AK8: variants seen among roughly 807,000 people sequenced by gnomAD.
AK8 encodes ATP-AMP transphosphorylase 8.
AK8 carries 44 observed loss-of-function variants against 54.6 expected under a neutral mutation model. The observed-to-expected ratio is 0.81, with a 90% CI of 0.63 to 1.04. The LOEUF (loss-of-function observed/expected upper bound fraction) is 1.04, where lower values mean the gene tolerates loss of function less well. Ranked by LOEUF, AK8 falls within the 50% of genes least tolerant of loss-of-function variation. The pLI is 0.00. For missense variants in AK8, 555 were observed against 613.6 expected (o/e 0.90, Z 1.01); for synonymous variants, 239 against 245.6 (o/e 0.97, Z 0.25).
chr9:132,826,817 C>T lies in AK8; in HGVS notation c.757+37G>A. The stretch of plus-strand genomic sequence containing the variant: ...AAGGCACAGCGAGCCCCGCCCTTGG[C>T]CGTCTGTCCAGGGTGGGGCTGCCTG... On this transcript the variant is annotated intron_variant, in intron 8 of 12. Transcript: ENST00000298545. The surrounding 1 kb of genome is among the most constrained non-coding windows in gnomAD (Gnocchi z 4.5). The T allele has an allele frequency of 6.2e-7, 1 of 1,604,536 alleles. No homozygotes were observed. The highest frequency in any genetic ancestry group is 1.1e-5 in the South Asian group (1 of 90,862).
At chr9:132,814,398 C>T (rs1024210881) in intron 10 of AK8, among the ~76,000 whole-genome samples, 4 of 151,112 alleles carry the variant, frequency 2.6e-5, no homozygotes, top group Non-Finnish European at 5.9e-5. Context: ...ATAGGAACAT[C>T]CTAAACCATC....
At chr9:132,783,273 G>A (rs2131136022) in intron 11 of AK8, among the ~76,000 whole-genome samples, 1 of 151,832 alleles carries the variant, frequency 6.6e-6, no homozygotes, top group East Asian at 1.9e-4. Flanking sequence ...GAATGTGGAA[G>A]CCTCTAGAAG....
chr9:132,731,186 T>C (rs1836826261), intron 11 of AK8, among the ~76,000 whole-genome samples: 1 of 152,220 alleles, frequency 6.6e-6, no homozygotes, highest in African/African-American at 2.4e-5. Flanking sequence ...GTGGAAATCC[T>C]GAAAGCCGAA....
intron 10 of AK8, among the ~76,000 whole-genome samples, chr9:132,812,648 A>G (rs1037784920): frequency 8.5e-5 from 8 of 93,996 alleles, no homozygotes; most frequent in Non-Finnish European, 1.4e-4. Context: ...CCTCAGGACG[A>G]CCTTGCAGGA....
chr9:132,764,264 C>T (rs1239819546), intron 11 of AK8, among the ~76,000 whole-genome samples: 1 of 152,098 alleles, frequency 6.6e-6, no homozygotes, highest in Non-Finnish European at 1.5e-5. Flanking sequence ...GAGCTGAGAT[C>T]ACACCACTGC....
chr9:132,732,971 G>A (rs574372335), intron 11 of AK8, among the ~76,000 whole-genome samples: 3 of 152,166 alleles, frequency 2.0e-5, no homozygotes, highest in South Asian at 2.1e-4. Context: ...AGCTTCTCCC[G>A]TGGCCTTGCT....
intron 1 of AK8, among the ~76,000 whole-genome samples, chr9:132,875,438 C>T (rs1844052289): frequency 6.6e-6 from 1 of 152,140 alleles, no homozygotes; most frequent in African/African-American, 2.4e-5. Flanking sequence ...GGAGTCTCGC[C>T]CCTGATTCAG....
chr9:132,809,302 A>G (rs1028829476), intron 10 of AK8, among the ~76,000 whole-genome samples: 2 of 152,192 alleles, frequency 1.3e-5, no homozygotes, highest in African/African-American at 4.8e-5. Flanking sequence ...GGGATACAGC[A>G]GCATGTCCTC....
intron 5 of AK8, among the ~76,000 whole-genome samples, chr9:132,839,819 C>T (rs947867407): frequency 1.4e-5 from 1 of 70,062 alleles, no homozygotes; most frequent in Non-Finnish European, 2.9e-5. Flanking sequence ...ATTTTTTTTG[C>T]CGGGGGGGGG....
chr9:132,750,172 G>A (rs1837843918), intron 11 of AK8, among the ~76,000 whole-genome samples: 2 of 151,926 alleles, frequency 1.3e-5, no homozygotes, highest in South Asian at 4.1e-4. Flanking sequence ...AGGCTGGAGT[G>A]CAATGGTGCG....
At chr9:132,829,364 A>G (rs78837301) in intron 5 of AK8, among the ~76,000 whole-genome samples, 2,704 of 152,286 alleles carry the variant, frequency 0.018, 84 homozygotes, top group African/African-American at 0.062. Flanking sequence ...TGTCCCACCA[A>G]GAGAATGTAC....
intron 11 of AK8, among the ~76,000 whole-genome samples, chr9:132,754,804 T>G (rs893378237): frequency 8.6e-5 from 13 of 151,748 alleles, no homozygotes; most frequent in South Asian, 2.1e-4. Context: ...TTTTTGGTTT[T>G]TTTTTTTTTT....
At chr9:132,874,606 G>A (rs1483442057) in intron 2 of AK8, among the ~76,000 whole-genome samples, 2 of 152,224 alleles carry the variant, frequency 1.3e-5, no homozygotes, top group East Asian at 3.8e-4. Context: ...CTCCGGCCTT[G>A]GGTCAGGCTG....
At chr9:132,878,373 C>A, upstream of AK8, 10 of 1,248,654 alleles carry the variant, frequency 8.0e-6, no homozygotes, top group Non-Finnish European at 1.0e-5. This position sits in a 1 kb window ranked among gnomAD's most constrained non-coding sequence, Gnocchi z 4.7. Context: ...CCCAGATACC[C>A]GATCCTCGGT....
chr9:132,862,385 T>C (rs1246015735), intron 4 of AK8, among the ~76,000 whole-genome samples: 1 of 151,740 alleles, frequency 6.6e-6, no homozygotes, highest in African/African-American at 2.4e-5. Flanking sequence ...TGGAGTGCAG[T>C]GGTGTGATCT....
chr9:132,862,422 G>A (rs1255799679), intron 4 of AK8, among the ~76,000 whole-genome samples: 2 of 151,954 alleles, frequency 1.3e-5, no homozygotes, highest in East Asian at 3.9e-4. Context: ...CAGCCTCCTG[G>A]GTTTGAGCAA....
intron 5 of AK8, among the ~76,000 whole-genome samples, chr9:132,841,137 A>G (rs890690904): frequency 6.6e-6 from 1 of 152,230 alleles, no homozygotes; most frequent in Non-Finnish European, 1.5e-5. Context: ...ACCTAAGGCC[A>G]TGCTGCCTGC....
At chr9:132,794,310 T>A (rs930623786) in intron 10 of AK8, among the ~76,000 whole-genome samples, 1 of 152,048 alleles carries the variant, frequency 6.6e-6, no homozygotes, top group Non-Finnish European at 1.5e-5. Flanking sequence ...TAAAGAGCAG[T>A]CTCCTTTCCA....
intron 8 of AK8, among the ~76,000 whole-genome samples, chr9:132,825,603 G>A (rs1270843239): frequency 6.6e-6 from 1 of 152,038 alleles, no homozygotes; most frequent in Non-Finnish European, 1.5e-5. Context: ...TAACCCACCC[G>A]CTGGCTGATT....
Sources: allele counts gnomAD v4.1 joint callset (sites outside exome capture counted in the v4.1 genomes callset), GRCh38; gene constraint gnomAD v4.1.1; non-coding constraint Gnocchi (gnomAD v3.1); transcripts MANE v1.5; gene names NCBI Gene and HGNC (gene_info 2026-07-23, HGNC 2026-07-21).